The following GRID2 variants were observed in gnomAD, a reference collection of about 807,000 sequenced individuals.
GRID2 encodes the protein glutamate ionotropic receptor delta type subunit 2.
A neutral mutation model predicts 114.8 loss-of-function variants in GRID2; 33 were observed. The observed-to-expected ratio is 0.29, with a 90% CI of 0.22 to 0.38. The LOEUF is 0.38. GRID2 is among the 10% of genes least tolerant of loss of function. The pLI, the probability that GRID2 is intolerant of heterozygous loss-of-function variation, is 1.00. For missense variants in GRID2, 1,184 were observed against 1,257.7 expected (o/e 0.94, Z 0.89); for synonymous variants, 505 against 449.9 (o/e 1.12, Z -1.55).
At chr4:93,146,496 G>C (rs1269286855) in intron 4 of GRID2, among the ~76,000 whole-genome samples, 1 of 152,134 alleles carries the variant, frequency 6.6e-6, no homozygotes. Context: ...TCTTAAAATG[G>C]AATTTACGTT....
chr4:93,131,222 T>C (rs1253456837), intron 4 of GRID2, among the ~76,000 whole-genome samples: 1 of 147,400 alleles, frequency 6.8e-6, no homozygotes, highest in Non-Finnish European at 1.5e-5. Context: ...GGCACCATCT[T>C]GGCTCACTGC....
At chr4:92,875,175 T>C (rs895270128) in intron 2 of GRID2, among the ~76,000 whole-genome samples, 2 of 146,222 alleles carry the variant, frequency 1.4e-5, no homozygotes, top group African/African-American at 5.2e-5. Flanking sequence ...TTTTTTTTTT[T>C]TCCCGAGACG....
At chr4:93,464,535 A>G (rs1724085478) in intron 11 of GRID2, among the ~76,000 whole-genome samples, 1 of 152,222 alleles carries the variant, frequency 6.6e-6, no homozygotes, top group African/African-American at 2.4e-5. Flanking sequence ...CATTTTGTTA[A>G]ATACCCTTGA....
intron 1 of GRID2, among the ~76,000 whole-genome samples, chr4:92,419,747 T>G (rs80276700): frequency 6.6e-6 from 1 of 152,030 alleles, no homozygotes; most frequent in Non-Finnish European, 1.5e-5. Context: ...AAAACCCATC[T>G]CTAAGAACTA....
chr4:93,496,921 G>A (rs1403053331), intron 12 of GRID2, among the ~76,000 whole-genome samples: 1 of 151,798 alleles, frequency 6.6e-6, no homozygotes, highest in African/African-American at 2.4e-5. Context: ...TCGGTCATGT[G>A]TTAAGTATAT....
intron 8 of GRID2, among the ~76,000 whole-genome samples, chr4:93,251,102 G>A (rs1263667719): frequency 6.6e-6 from 1 of 152,020 alleles, no homozygotes; most frequent in African/African-American, 2.4e-5. Flanking sequence ...CTGTGACCTT[G>A]CATTCAAGAA....
intron 8 of GRID2, among the ~76,000 whole-genome samples, chr4:93,299,268 A>G (rs370182256): frequency 3.3e-5 from 5 of 152,112 alleles, no homozygotes; most frequent in Non-Finnish European, 7.4e-5. Context: ...TACAGATACT[A>G]TTTGTATCTA....
chr4:93,416,313 C>CA lies in GRID2; in HGVS notation c.1348-6454dup, dbSNP rs200562194. Among the ~76,000 whole-genome samples the CA allele has an allele frequency of 4.3e-3, 651 of 152,106 alleles. 7 individuals carry two copies. Among genetic ancestry groups the CA allele is most frequent in the African/African-American group, 0.015 (621 of 41,528 alleles). ...CAGTGGCCATTAATTCTGCATATAT[C>CA]AAAATGGAATGTGTCATCTTTGAGC... On this transcript the variant is annotated intron_variant, in intron 9 of 15. Coordinates refer to ENST00000282020, the MANE Select transcript of GRID2 (RefSeq NM_001510.4).
intron 2 of GRID2, among the ~76,000 whole-genome samples, chr4:92,621,386 G>A (rs1409229251): frequency 6.6e-6 from 1 of 151,734 alleles, no homozygotes; most frequent in African/African-American, 2.4e-5. Flanking sequence ...TTTACATTTT[G>A]TGGGAAAAAA....
chr4:93,008,032 C>CAAAAAA, intron 2 of GRID2, among the ~76,000 whole-genome samples: 1 of 62,486 alleles, frequency 1.6e-5, no homozygotes. Context: ...GAGACTGTCA[C>CAAAAAA]AAAAAAAAAA....
At chr4:93,579,772 C>G (rs191967060) in intron 13 of GRID2, among the ~76,000 whole-genome samples, 1 of 152,266 alleles carries the variant, frequency 6.6e-6, no homozygotes, top group Non-Finnish European at 1.5e-5. Flanking sequence ...ACATCTGGCC[C>G]TAAAGAGAGT....
At chr4:92,650,568 C>T (rs2149261339) in intron 2 of GRID2, among the ~76,000 whole-genome samples, 1 of 151,918 alleles carries the variant, frequency 6.6e-6, no homozygotes. Context: ...CCCTTCTTTG[C>T]CTGTTGATTC....
At chr4:93,252,090 T>G (rs1749010454) in intron 8 of GRID2, among the ~76,000 whole-genome samples, 1 of 152,184 alleles carries the variant, frequency 6.6e-6, no homozygotes, top group Non-Finnish European at 1.5e-5. Flanking sequence ...ATTTGTCAAT[T>G]TTTGCTTTTG....
At chr4:93,412,812 G>A (rs552666608) in intron 9 of GRID2, among the ~76,000 whole-genome samples, 1 of 152,058 alleles carries the variant, frequency 6.6e-6, no homozygotes, top group African/African-American at 2.4e-5. Context: ...TGTTCCCATT[G>A]TTCAACTCCC....
intron 1 of GRID2, among the ~76,000 whole-genome samples, chr4:92,388,225 G>A: frequency 6.6e-6 from 1 of 152,162 alleles, no homozygotes; most frequent in African/African-American, 2.4e-5. Context: ...TCTTATGTAG[G>A]TGGAGGGGTT....
chr4:92,539,933 G>T (rs577329476), intron 1 of GRID2, among the ~76,000 whole-genome samples: 1 of 152,054 alleles, frequency 6.6e-6, no homozygotes, highest in Non-Finnish European at 1.5e-5. Context: ...GCATGGTACT[G>T]GTACCAAAAC....
chr4:92,631,795 C>T (rs1730820311), intron 2 of GRID2, among the ~76,000 whole-genome samples: 1 of 152,120 alleles, frequency 6.6e-6, no homozygotes. Flanking sequence ...ATCCAAAACT[C>T]TGATATCTAC....
chr4:93,025,168 G>T (rs536558840), intron 2 of GRID2, among the ~76,000 whole-genome samples: 1 of 151,016 alleles, frequency 6.6e-6, no homozygotes, highest in Non-Finnish European at 1.5e-5. Flanking sequence ...GAGGAAGGGG[G>T]CTAGAAGGAG....
chr4:92,705,268 G>A (rs1734901460), intron 2 of GRID2, among the ~76,000 whole-genome samples: 1 of 152,036 alleles, frequency 6.6e-6, no homozygotes, highest in South Asian at 2.1e-4. Context: ...ATCTATTTCT[G>A]ACACTTATTC....
Sources: allele counts gnomAD v4.1 joint callset (sites outside exome capture counted in the v4.1 genomes callset), GRCh38; gene constraint gnomAD v4.1.1; transcripts MANE v1.5; gene names NCBI Gene and HGNC (gene_info 2026-07-23, HGNC 2026-07-21).